Variants in MS4A3 observed in about 807,000 individuals in gnomAD.
The protein encoded by MS4A3 is membrane spanning 4-domains A3.
MS4A3 carries 18 observed loss-of-function variants against 24.7 expected under a neutral mutation model. That is an observed-to-expected ratio of 0.73 (90% CI 0.50 to 1.08). MS4A3 has a LOEUF of 1.08. Ranked by LOEUF, MS4A3 falls within the 50% of genes least tolerant of loss-of-function variation. MS4A3 has a pLI of 0.00. For synonymous variants in MS4A3, 84 were observed against 95.3 expected (o/e 0.88, Z 0.69); for missense variants, 282 against 251.7 (o/e 1.12, Z -0.82).
At chr11:60,058,909 A>G (rs575836670) in intron 1 of MS4A3, among the ~76,000 whole-genome samples, 13 of 152,238 alleles carry the variant, frequency 8.5e-5, no homozygotes, top group Admixed American at 5.9e-4. Context: ...ACTTATTCAC[A>G]TAGAGTTTGC....
chr11:60,060,710 T>C (rs2134657817), intron 1 of MS4A3, among the ~76,000 whole-genome samples: 1 of 152,264 alleles, frequency 6.6e-6, no homozygotes. Context: ...ATTCACAGCA[T>C]CCAGACAGTG....
intron 4 of MS4A3, among the ~76,000 whole-genome samples, chr11:60,066,361 G>A (rs1326612640): frequency 1.3e-5 from 2 of 152,012 alleles, no homozygotes; most frequent in Admixed American, 1.3e-4. Context: ...TCCTTCATTG[G>A]CTTTGTATTT....
At chr11:60,058,588 G>A (rs1187110505) in intron 1 of MS4A3, among the ~76,000 whole-genome samples, 1 of 149,970 alleles carries the variant, frequency 6.7e-6, no homozygotes, top group Non-Finnish European at 1.5e-5. Flanking sequence ...AAGCTTGAGG[G>A]GACTTGTCTT....
At position 60,070,966 on chromosome 11, in the gene MS4A3, A is replaced by G. The variant is rs1243782096; in HGVS notation, c.*733A>G. 6.6e-6 allele frequency: 1 copy of G among 152,196 alleles called. No individual in the cohort carries two copies. Among genetic ancestry groups the G allele is most frequent in the Non-Finnish European group, 1.5e-5 (1 of 68,048 alleles). 9.4% of individuals were successfully genotyped at this position (152,196 alleles called of 1,614,324 possible). A position where few individuals can be genotyped will look rare whatever the true frequency, so the allele number is the denominator to read the frequency against. ...GACACATCTGGGTTCAAATTCTGAA[A>G]CTGTCACTTATTACCTGTATGAACA... On this transcript the variant is annotated 3_prime_UTR_variant, in exon 7 of 7. Coordinates refer to ENST00000278865, the MANE Select transcript of MS4A3 (RefSeq NM_006138.5).
At chr11:60,064,547 A>G (rs1294044082) in intron 4 of MS4A3, among the ~76,000 whole-genome samples, 4 of 152,180 alleles carry the variant, frequency 2.6e-5, no homozygotes, top group Non-Finnish European at 5.9e-5. Context: ...AAGCTTAGAA[A>G]AAGTCTTCTT....
At chr11:60,070,083 G>A (rs1240144915) in intron 6 of MS4A3, 121 bp from the exon 7 acceptor site, 2 of 803,310 alleles carry the variant, frequency 2.5e-6, no homozygotes, top group Non-Finnish European at 4.3e-6. Context: ...TATGGCATTT[G>A]GCACAGTAAA....
rs545377910 is a variant in MS4A3 at position 60,063,553 on chromosome 11, A to G, written c.295-709A>G. On this transcript the variant is annotated intron_variant, in intron 3 of 6. Coordinates refer to ENST00000278865, the MANE Select transcript of MS4A3 (RefSeq NM_006138.5). ...TGTTTGGGTTCATTGCAGATTCTGG[A>G]TATTAGTCCTTTGTTAGATGTATAG... Among the ~76,000 whole-genome samples, 5 of 152,060 alleles carry G rather than the reference A, an allele frequency of 3.3e-5. No homozygotes were observed. The South Asian group carries it at 1.0e-3, about 32-fold the overall frequency.
chr11:60,058,918 G>T (rs1855221173), intron 1 of MS4A3, among the ~76,000 whole-genome samples: 1 of 152,118 alleles, frequency 6.6e-6, no homozygotes, highest in East Asian at 1.9e-4. Flanking sequence ...CATAGAGTTT[G>T]CTTTAAGCTT....
chr11:60,063,278 T>G (rs1234347812), intron 3 of MS4A3, among the ~76,000 whole-genome samples: 1 of 152,182 alleles, frequency 6.6e-6, no homozygotes, highest in African/African-American at 2.4e-5. Flanking sequence ...TTAAGAAATT[T>G]GTCTGCTGAT....
chr11:60,068,341 G>T (rs1316727413), intron 5 of MS4A3, among the ~76,000 whole-genome samples: 3 of 141,764 alleles, frequency 2.1e-5, no homozygotes, highest in Non-Finnish European at 4.5e-5. Context: ...CTGGGTTCAC[G>T]CCATTCTCCT....
chr11:60,067,741 A>C (rs1194065208), intron 5 of MS4A3, among the ~76,000 whole-genome samples: 1 of 151,920 alleles, frequency 6.6e-6, no homozygotes, highest in Admixed American at 6.6e-5. Context: ...CACTCCCCAG[A>C]GAGATTTTTT....
chr11:60,062,650 C>A (rs1054401230), intron 3 of MS4A3, 45 bp downstream of exon 3: 1 of 1,606,302 alleles, frequency 6.2e-7, no homozygotes, highest in Non-Finnish European at 8.5e-7. Flanking sequence ...TCTTAGATAC[C>A]ACTGCTGGAG....
intron 5 of MS4A3, among the ~76,000 whole-genome samples, chr11:60,068,409 GT>G (rs1304133796): frequency 0.02 from 2,443 of 122,170 alleles, 59 homozygotes; most frequent in African/African-American, 0.053. Flanking sequence ...CCGGCTAATT[GT>G]TTTTTTTTTT....
intron 5 of MS4A3, among the ~76,000 whole-genome samples, 192 bp downstream of exon 5, chr11:60,067,304 C>T (rs932363125): frequency 1.3e-5 from 2 of 151,550 alleles, no homozygotes; most frequent in East Asian, 1.9e-4. Flanking sequence ...GCTCCGCCCT[C>T]CTGGGTTCAC....
chr11:60,066,127 A>G (rs1374289984), intron 4 of MS4A3, among the ~76,000 whole-genome samples: 2 of 152,066 alleles, frequency 1.3e-5, no homozygotes, highest in Non-Finnish European at 2.9e-5. Context: ...TTCTTTCACA[A>G]TCCTGAATCC....
intron 1 of MS4A3, among the ~76,000 whole-genome samples, chr11:60,059,574 C>T (rs1855239631): frequency 1.3e-5 from 2 of 152,064 alleles, no homozygotes; most frequent in South Asian, 2.1e-4. Flanking sequence ...TTTTGTTCCC[C>T]TCTATGTGTC....
intron 5 of MS4A3, among the ~76,000 whole-genome samples, chr11:60,068,238 C>CTT (rs71456407): frequency 0.047 from 4,901 of 103,866 alleles, 410 homozygotes; most frequent in African/African-American, 0.097. Context: ...ATAACCTTAC[C>CTT]TTTTTTTTTT....
rs1565066400 is a variant in MS4A3, at chr11:60,071,000, TTATC to T, written c.*770_*773del. On this transcript the variant is annotated 3_prime_UTR_variant, in exon 7 of 7. Transcript: ENST00000278865. ...TATTACCTGTATGAACATGGGCAAA[TTATC>T]TAATCTCTCTGATCTATTTTTCCTC... 2.6e-5 allele frequency: 4 copies of T among 152,352 alleles called. No individual in the cohort carries two copies. Among genetic ancestry groups the T allele is most frequent in the East Asian group, 3.9e-4 (2 of 5,192 alleles). 9.4% of individuals were successfully genotyped at this position (152,352 alleles called of 1,614,324 possible).
intron 3 of MS4A3, among the ~76,000 whole-genome samples, chr11:60,063,435 T>C (rs945550839): frequency 1.3e-5 from 2 of 152,214 alleles, no homozygotes; most frequent in African/African-American, 4.8e-5. Context: ...AATGATATGT[T>C]TGTTGGCCAT....
Sources: gnomAD v4.1 joint callset for allele counts (sites outside exome capture counted in the v4.1 genomes callset) on GRCh38, gnomAD v4.1.1 for gene constraint, MANE v1.5 for transcripts, NCBI Gene and HGNC (gene_info 2026-07-23, HGNC 2026-07-21) for gene names.